The following GALNT1 variants were observed in gnomAD, a reference collection of about 807,000 sequenced individuals.
The protein encoded by GALNT1 is GalNAc transferase 1.
GALNT1 carries 17 observed loss-of-function variants against 65.7 expected under a neutral mutation model. The observed-to-expected ratio is 0.26, with a 90% confidence interval of 0.18 to 0.39. The LOEUF is 0.39. Ranked by LOEUF, GALNT1 falls within the 10% of genes least tolerant of loss-of-function variation. GALNT1 has a pLI of 1.00. For synonymous variants in GALNT1, 210 were observed against 219.7 expected, an observed-to-expected ratio of 0.96 and a Z score of 0.39; for missense variants, 460 against 672.8, an observed-to-expected ratio of 0.68 and a Z score of 3.50.
At chr18:35,705,866 G>T (rs2048249284) in intron 11 of GALNT1, among the ~76,000 whole-genome samples, 1 of 152,184 alleles carries the variant, frequency 6.6e-6, no homozygotes, top group Non-Finnish European at 1.5e-5. Flanking sequence ...GTGGCCACAA[G>T]GTGGTTGCTG....
intron 1 of GALNT1, among the ~76,000 whole-genome samples, chr18:35,605,247 G>A (rs972939154): frequency 2.0e-5 from 3 of 152,142 alleles, no homozygotes; most frequent in South Asian, 2.1e-4. Context: ...GGTGGCTCAC[G>A]CCTGTAATCC....
At chr18:35,706,935 G>A (rs1464898932) in intron 11 of GALNT1, among the ~76,000 whole-genome samples, 4 of 152,008 alleles carry the variant, frequency 2.6e-5, no homozygotes, top group African/African-American at 7.3e-5. Flanking sequence ...ATTAAACCCA[G>A]GATACTTTTT....
At chr18:35,656,970 G>A (rs1317285603) in intron 2 of GALNT1, among the ~76,000 whole-genome samples, 1 of 152,192 alleles carries the variant, frequency 6.6e-6, no homozygotes, top group Non-Finnish European at 1.5e-5. Flanking sequence ...AAGAGAAAGA[G>A]AAAAGTCTAA....
chr18:35,693,202 G>C (rs1436051556), intron 9 of GALNT1, among the ~76,000 whole-genome samples: 1 of 152,164 alleles, frequency 6.6e-6, no homozygotes, highest in Non-Finnish European at 1.5e-5. Flanking sequence ...GCAGAGATCT[G>C]AAGAAAGTGA....
chr18:35,701,690 G>A (rs1015336425), intron 9 of GALNT1, among the ~76,000 whole-genome samples: 7 of 152,150 alleles, frequency 4.6e-5, no homozygotes, highest in African/African-American at 1.4e-4. Context: ...TCAGGAAAAC[G>A]GGAAATTTTG....
At chr18:35,583,038 A>G (rs1008281199) in intron 1 of GALNT1, among the ~76,000 whole-genome samples, 1 of 152,238 alleles carries the variant, frequency 6.6e-6, no homozygotes, top group Admixed American at 6.5e-5. Flanking sequence ...GTGTCAGTAA[A>G]TATTTACTGA....
chr18:35,684,348 T>C (rs537106021), intron 5 of GALNT1, among the ~76,000 whole-genome samples: 36 of 152,174 alleles, frequency 2.4e-4, no homozygotes, highest in Non-Finnish European at 5.1e-4. Flanking sequence ...GGATCTATAT[T>C]TTTTCCCTTT....
chr18:35,611,236 G>A (rs2046712490), intron 1 of GALNT1, among the ~76,000 whole-genome samples: 2 of 152,176 alleles, frequency 1.3e-5, no homozygotes, highest in African/African-American at 4.8e-5. Flanking sequence ...TTCGGGAGCA[G>A]GGGAAGGTCC....
chr18:35,583,814 C>T (rs1424907152), intron 1 of GALNT1, among the ~76,000 whole-genome samples: 1 of 152,184 alleles, frequency 6.6e-6, no homozygotes, highest in Non-Finnish European at 1.5e-5. Context: ...GAAGATAGAT[C>T]TGTTTGTAAC....
At chr18:35,640,583 AG>A (rs2047148329) in intron 1 of GALNT1, among the ~76,000 whole-genome samples, 1 of 152,208 alleles carries the variant, frequency 6.6e-6, no homozygotes, top group South Asian at 2.1e-4. Context: ...TGGGTTAAAA[AG>A]TTGATTCTAA....
chr18:35,618,501 T>G (rs2046812735), intron 1 of GALNT1, among the ~76,000 whole-genome samples: 1 of 151,906 alleles, frequency 6.6e-6, no homozygotes, highest in Admixed American at 6.6e-5. Flanking sequence ...AAGACAAACA[T>G]GTGTAACTGT....
intron 2 of GALNT1, among the ~76,000 whole-genome samples, chr18:35,655,109 A>G (rs182352638): frequency 2.6e-5 from 4 of 152,200 alleles, no homozygotes; most frequent in African/African-American, 9.6e-5. Context: ...AAAATTGTAC[A>G]GAAGATTAGT....
At chr18:35,655,764 T>C (rs1365983432) in intron 2 of GALNT1, among the ~76,000 whole-genome samples, 1 of 152,170 alleles carries the variant, frequency 6.6e-6, no homozygotes, top group Non-Finnish European at 1.5e-5. Flanking sequence ...AAAATATTGA[T>C]TTGTATTGTT....
intron 1 of GALNT1, among the ~76,000 whole-genome samples, chr18:35,598,658 T>C (rs72958846): frequency 1.5e-3 from 228 of 152,352 alleles, no homozygotes; most frequent in Middle Eastern, 3.4e-3. Flanking sequence ...GATTCCATTA[T>C]TTTGGCTATT....
chr18:35,614,830 T>C (rs1193140489), intron 1 of GALNT1, among the ~76,000 whole-genome samples: 2 of 151,654 alleles, frequency 1.3e-5, no homozygotes, highest in Non-Finnish European at 2.9e-5. Flanking sequence ...CAGCATACAA[T>C]AATAAATGTA....
Position 35,692,329 on chromosome 18 carries a change from T to G in GALNT1, c.1299+9T>G, listed in dbSNP as rs770273412. ...ATTTCTCATTGGGAGAGGTAAGAAA[T>G]ATATATATATATATTCTATGTGGTT... On this transcript the variant is annotated intron_variant, in intron 9 of 11. Coordinates refer to ENST00000269195, the MANE Select transcript of GALNT1 (RefSeq NM_020474.4). The G allele has an allele frequency of 1.0e-5, 9 of 886,096 alleles. No homozygotes were observed. Among genetic ancestry groups the G allele is most frequent in the Non-Finnish European group, 1.1e-5 (7 of 645,920 alleles). 54.9% of individuals were successfully genotyped at this position (886,096 alleles called of 1,614,324 possible).
intron 6 of GALNT1, 86 bp downstream of exon 6, chr18:35,687,272 AT>A: frequency 1.5e-6 from 2 of 1,320,352 alleles, no homozygotes; most frequent in Non-Finnish European, 2.1e-6. Context: ...GGATAAGTGT[AT>A]TTTGAGAAAC....
chr18:35,581,835 C>CCGT lies in GALNT1; in HGVS notation c.-129_-128insTCG, dbSNP rs1304807035. ...CCGCGGCCGGCCCGGAGGACGCCTG[C>CCGT]CGCCGCCGCCGCCGCGCGCCTAGCG... On this transcript the variant is annotated 5_prime_UTR_variant, in exon 1 of 12. Coordinates refer to ENST00000269195, the MANE Select transcript of GALNT1 (RefSeq NM_020474.4). The CCGT allele has an allele frequency of 7.5e-6, 1 of 133,064 alleles. No individual in the cohort carries two copies. Among genetic ancestry groups the CCGT allele is most frequent in the African/African-American group, 2.8e-5 (1 of 36,172 alleles). The allele number at this position is 133,064 out of a possible 1,614,324, so 8.2% of individuals were successfully genotyped here.
chr18:35,691,767 A>G (rs1394362588), intron 8 of GALNT1, among the ~76,000 whole-genome samples: 1 of 152,158 alleles, frequency 6.6e-6, no homozygotes, highest in Admixed American at 6.5e-5. Context: ...TGACATTGTT[A>G]CTAGTCCATC....
Sources: allele counts gnomAD v4.1 joint callset (sites outside exome capture counted in the v4.1 genomes callset), GRCh38; gene constraint gnomAD v4.1.1; transcripts MANE v1.5; gene names NCBI Gene and HGNC (gene_info 2026-07-23, HGNC 2026-07-21).